GLRB: variants seen among roughly 807,000 people sequenced by gnomAD.
GLRB encodes glycine receptor beta.
GLRB carries 33 observed loss-of-function variants against 54.2 expected under a neutral mutation model. The observed-to-expected ratio is 0.61, with a 90% CI of 0.46 to 0.81. The LOEUF is 0.81. Ranked by LOEUF, GLRB falls within the 40% of genes least tolerant of loss-of-function variation. GLRB has a pLI of 0.00. For synonymous variants in GLRB, 209 were observed against 208.2 expected, an observed-to-expected ratio of 1.00 and a Z score of -0.03; for missense variants, 572 against 584.6, an observed-to-expected ratio of 0.98 and a Z score of 0.22.
At chr4:157,111,828 T>A (rs1339951149) in intron 2 of GLRB, among the ~76,000 whole-genome samples, 2 of 151,926 alleles carry the variant, frequency 1.3e-5, no homozygotes, top group African/African-American at 2.4e-5. Context: ...CTTTCTCAAC[T>A]GAAAAAAAGT....
rs1424785019 is a variant in GLRB, at chr4:157,171,750, A to G, written c.*1022A>G. ...ATTTGAATATTTTGGGATTAGTTAC[A>G]AAATATTTAGAGATTAAATAAATAA... is the stretch of plus-strand genomic sequence containing the variant. On this transcript the variant is annotated 3_prime_UTR_variant, in exon 10 of 10. Coordinates refer to ENST00000264428, the MANE Select transcript of GLRB (RefSeq NM_000824.5). 1 of 152,008 alleles carries G rather than the reference A, an allele frequency of 6.6e-6. No homozygotes were observed. Among genetic ancestry groups the G allele is most frequent in the Non-Finnish European group, 1.5e-5 (1 of 67,842 alleles). 9.4% of individuals were successfully genotyped at this position (152,008 alleles called of 1,614,324 possible).
chr4:157,099,517 A>G (rs1579196782), intron 2 of GLRB, among the ~76,000 whole-genome samples: 1 of 151,940 alleles, frequency 6.6e-6, no homozygotes, highest in East Asian at 1.9e-4. Context: ...TTGTATTTTC[A>G]GTAGAGACGG....
At chr4:157,120,488 A>G (rs539381252) in intron 2 of GLRB, 68 bp from the exon 3 acceptor site, 79 of 752,602 alleles carry the variant, frequency 1.0e-4, no homozygotes, top group Middle Eastern at 2.4e-4. Context: ...TTTCCTCCCA[A>G]TGAGAATTAC....
chr4:157,116,989 T>G (rs1430158618), intron 2 of GLRB, among the ~76,000 whole-genome samples: 2 of 151,740 alleles, frequency 1.3e-5, no homozygotes, highest in African/African-American at 4.8e-5. Flanking sequence ...TGTTTGATTT[T>G]CAAAAGATTT....
At position 157,128,113 on chromosome 4, in the gene GLRB, T is replaced by C. The variant is rs868647172; in HGVS notation, c.297+5716T>C. Among the ~76,000 whole-genome samples the C allele has an allele frequency of 1.3e-5, 2 of 152,064 alleles. 1 individual carries two copies. The highest frequency in any genetic ancestry group is 6.8e-3 in the Middle Eastern group (2 of 294). ...ATGAAAATGCCAGACTAATCAGTTGTATTTTATTGAGTAATTACTTAAACC... is the reference window on the plus strand; with the variant it reads ...ATGAAAATGCCAGACTAATCAGTTGCATTTTATTGAGTAATTACTTAAACC... On this transcript the variant is annotated intron_variant, in intron 4 of 9. Transcript: ENST00000264428.
intron 2 of GLRB, among the ~76,000 whole-genome samples, chr4:157,081,970 C>T (rs1325738652): frequency 2.0e-5 from 3 of 152,192 alleles, no homozygotes; most frequent in Non-Finnish European, 4.4e-5. Flanking sequence ...CTAAGCCTCA[C>T]ACGCATCAAC....
chr4:157,085,899 G>A (rs956222665), intron 2 of GLRB, among the ~76,000 whole-genome samples: 1 of 152,118 alleles, frequency 6.6e-6, no homozygotes, highest in Non-Finnish European at 1.5e-5. Flanking sequence ...TTTTCAAGGG[G>A]CTCCCTAACT....
At chr4:157,105,761 G>A (rs1397969529) in intron 2 of GLRB, among the ~76,000 whole-genome samples, 1 of 151,858 alleles carries the variant, frequency 6.6e-6, no homozygotes, top group Non-Finnish European at 1.5e-5. Flanking sequence ...TTATCATTAT[G>A]TAATGTTTTT....
At chr4:157,097,933 A>C (rs1734873897) in intron 2 of GLRB, among the ~76,000 whole-genome samples, 1 of 152,178 alleles carries the variant, frequency 6.6e-6, no homozygotes, top group Non-Finnish European at 1.5e-5. Context: ...AGGCAGGAGA[A>C]TCTCTTGAAC....
At chr4:157,116,071 A>G (rs1735599486) in intron 2 of GLRB, among the ~76,000 whole-genome samples, 1 of 151,868 alleles carries the variant, frequency 6.6e-6, no homozygotes, top group African/African-American at 2.4e-5. Context: ...AGAATGTTCT[A>G]CAGTTAATAG....
At chr4:157,093,861 TA>T (rs1426919289) in intron 2 of GLRB, among the ~76,000 whole-genome samples, 1 of 152,068 alleles carries the variant, frequency 6.6e-6, no homozygotes, top group Non-Finnish European at 1.5e-5. Context: ...AGTTATCTTT[TA>T]AACCACCGTG....
chr4:157,126,603 T>A (rs574256268), intron 4 of GLRB, among the ~76,000 whole-genome samples: 1 of 151,936 alleles, frequency 6.6e-6, no homozygotes, highest in African/African-American at 2.4e-5. Flanking sequence ...TATGTGCTAC[T>A]GCTTGTGACA....
intron 9 of GLRB, among the ~76,000 whole-genome samples, chr4:157,155,497 T>C (rs981277772): frequency 3.9e-5 from 6 of 152,214 alleles, no homozygotes; most frequent in Non-Finnish European, 8.8e-5. Context: ...TTTCCCTTTA[T>C]CTGAGAATGT....
intron 4 of GLRB, among the ~76,000 whole-genome samples, chr4:157,130,933 C>G (rs1320292470): frequency 6.6e-6 from 1 of 151,592 alleles, no homozygotes; most frequent in Admixed American, 6.6e-5. Context: ...AGGAAGAATT[C>G]AAGAGACTGC....
intron 9 of GLRB, among the ~76,000 whole-genome samples, chr4:157,158,155 A>T (rs1446707673): frequency 2.0e-5 from 3 of 151,828 alleles, no homozygotes; most frequent in African/African-American, 7.3e-5. Flanking sequence ...GTGTCTGTTC[A>T]TATCCTTTGC....
chr4:157,126,155 A>C (rs1189083259), intron 4 of GLRB, among the ~76,000 whole-genome samples: 2 of 151,870 alleles, frequency 1.3e-5, no homozygotes, highest in East Asian at 2.0e-4. Flanking sequence ...AAGCAAGCAA[A>C]GTTATTGGCA....
chr4:157,141,038 A>T (rs1736591079), intron 7 of GLRB, among the ~76,000 whole-genome samples: 1 of 151,922 alleles, frequency 6.6e-6, no homozygotes, highest in Admixed American at 6.6e-5. Flanking sequence ...GCCATATTTC[A>T]ATGTGGTAAA....
chr4:157,165,494 T>C (rs983895995), intron 9 of GLRB, among the ~76,000 whole-genome samples: 2 of 151,988 alleles, frequency 1.3e-5, no homozygotes, highest in Admixed American at 6.6e-5. Context: ...TAAAATAATA[T>C]TGTGCTTCCT....
At chr4:157,169,553 G>T (rs752323563) in intron 9 of GLRB, among the ~76,000 whole-genome samples, 12 of 151,992 alleles carry the variant, frequency 7.9e-5, no homozygotes, top group Non-Finnish European at 1.6e-4. Flanking sequence ...GATACAAAAA[G>T]TTGACCCTCT....
Sources: allele counts gnomAD v4.1 joint callset (sites outside exome capture counted in the v4.1 genomes callset), GRCh38; gene constraint gnomAD v4.1.1; transcripts MANE v1.5; gene names NCBI Gene and HGNC (gene_info 2026-07-23, HGNC 2026-07-21).